Variants in TMED3 observed in about 807,000 individuals in gnomAD.
TMED3 encodes the protein transmembrane p24 trafficking protein 3.
TMED3 carries 9 observed loss-of-function variants against 15.0 expected under a neutral mutation model. The ratio of observed to expected loss-of-function variants is 0.60; its 90% CI spans 0.36 to 1.04. The LOEUF (loss-of-function observed/expected upper bound fraction) is 1.04. Among genes scored for constraint, TMED3 ranks in the 50% least tolerant of loss-of-function variants. TMED3 has a pLI of 0.01. For missense variants in TMED3, 267 were observed against 278.9 expected (o/e 0.96, Z 0.30); for synonymous variants, 117 against 121.4 (o/e 0.96, Z 0.24).
chr15:79,409,546 G>A (rs1893944026), intron 2 of TMED3, among the ~76,000 whole-genome samples: 1 of 152,186 alleles, frequency 6.6e-6, no homozygotes, highest in Admixed American at 6.5e-5. Flanking sequence ...GTTTCCCAGT[G>A]TGAGCCTTAA....
chr15:79,397,713 A>G (rs888494150), intron 2 of TMED3, among the ~76,000 whole-genome samples: 3 of 152,338 alleles, frequency 2.0e-5, no homozygotes, highest in African/African-American at 7.2e-5. Flanking sequence ...GTCAATATAC[A>G]TATGCATTTT....
chr15:79,330,660 T>G (rs2058804931), intron 2 of TMED3, among the ~76,000 whole-genome samples: 1 of 152,168 alleles, frequency 6.6e-6, no homozygotes. Context: ...CATTATATTT[T>G]TCTCAGAAAT....
At chr15:79,384,395 T>C (rs1025478025) in intron 2 of TMED3, 2 of 152,202 alleles carry the variant, frequency 1.3e-5, no homozygotes, top group Non-Finnish European at 2.9e-5. Flanking sequence ...ATTGTCGGAA[T>C]AGGAAAGAGT....
At chr15:79,345,664 C>T (rs1281887188) in intron 2 of TMED3, among the ~76,000 whole-genome samples, 1 of 152,118 alleles carries the variant, frequency 6.6e-6, no homozygotes, top group Non-Finnish European at 1.5e-5. Flanking sequence ...TGGGTATATG[C>T]CCAGTAGTGG....
At position 79,370,256 on chromosome 15, in the gene TMED3, ATTTTTTTTTT is replaced by A. The variant is rs398028085; in HGVS notation, c.418-41128_418-41119del. 3.0e-3 allele frequency among the ~76,000 whole-genome samples: 314 copies of A among 104,958 alleles called. 1 individual carries two copies. The highest frequency in any genetic ancestry group is 0.011 in the African/African-American group (288 of 26,984). 68.9% of individuals were successfully genotyped at this position (104,958 alleles called of 152,430 possible). ...AGGCATGGGCCACCATGCCCAGCTA[ATTTTTTTTTT>A]TTTTTTTTTTTTTTTGTATTTTTTT... is the stretch of plus-strand genomic sequence containing the variant. On this transcript the variant is annotated intron_variant, in intron 2 of 2. Coordinates refer to the TMED3 transcript ENST00000424155.
rs201992150 is a variant in TMED3 at position 79,356,835 on chromosome 15, T to A, written c.417+42830T>A. On this transcript the variant is annotated intron_variant, in intron 2 of 2. Coordinates refer to the TMED3 transcript ENST00000424155. ...AGCATTATTTATAACCTCCCCAAAC[T>A]GAAAACAATCCAAATATTCATCAGT... Among the ~76,000 whole-genome samples, 7 of 152,150 alleles carry A rather than the reference T, an allele frequency of 4.6e-5. No homozygotes were observed. In the East Asian group the frequency reaches 1.3e-3, roughly 29 times the overall value.
chr15:79,337,214 T>C (rs1417336653), intron 2 of TMED3, among the ~76,000 whole-genome samples: 1 of 152,338 alleles, frequency 6.6e-6, no homozygotes. Flanking sequence ...GGTTGGTTTC[T>C]CCTGAGACCT....
At chr15:79,339,775 ATGG>A (rs757882470) in intron 2 of TMED3, among the ~76,000 whole-genome samples, 9 of 149,970 alleles carry the variant, frequency 6.0e-5, no homozygotes, top group South Asian at 2.1e-4. Flanking sequence ...GGTGGTGTTG[ATGG>A]TGGTGATGGC....
Position 79,322,786 on chromosome 15 carries a change from T to C in TMED3, c.*572T>C. 2 of 985,278 alleles carry C rather than the reference T, an allele frequency of 2.0e-6. No individual in the cohort carries two copies. Among genetic ancestry groups the C allele is most frequent in the Non-Finnish European group, 1.2e-6 (1 of 829,904 alleles). 61.0% of individuals were successfully genotyped at this position (985,278 alleles called of 1,614,324 possible). ...TGCCCTTGGTGAGCTGTGTATTTCC[T>C]AGGAGGTAGAAAACTGTGGGAAACT... On this transcript the variant is annotated 3_prime_UTR_variant, in exon 3 of 3. Transcript: ENST00000299705.
intron 2 of TMED3, among the ~76,000 whole-genome samples, chr15:79,321,040 C>T (rs1047650802): frequency 6.6e-6 from 1 of 152,192 alleles, no homozygotes; most frequent in Non-Finnish European, 1.5e-5. Flanking sequence ...AAGTGGTCAC[C>T]TCCACCTTCA....
chr15:79,312,755 C>G (rs561101136), intron 1 of TMED3, among the ~76,000 whole-genome samples: 1 of 152,272 alleles, frequency 6.6e-6, no homozygotes, highest in South Asian at 2.1e-4. Context: ...TCCATGAATA[C>G]TTCGATCAAT....
chr15:79,317,784 A>T (rs545269457), intron 2 of TMED3, among the ~76,000 whole-genome samples: 7 of 152,188 alleles, frequency 4.6e-5, no homozygotes, highest in Admixed American at 4.6e-4. Context: ...CTCTTCCCTG[A>T]CATGGCGACC....
intron 2 of TMED3, among the ~76,000 whole-genome samples, chr15:79,395,343 C>T (rs1177777144): frequency 6.6e-6 from 1 of 152,150 alleles, no homozygotes. Context: ...CCACGCCTGG[C>T]TAATTTTTTG....
intron 2 of TMED3, among the ~76,000 whole-genome samples, chr15:79,347,966 A>G (rs2058877378): frequency 6.6e-6 from 1 of 152,204 alleles, no homozygotes; most frequent in Non-Finnish European, 1.5e-5. Flanking sequence ...TTTTACCCAG[A>G]TCAAAATGTT....
intron 2 of TMED3, among the ~76,000 whole-genome samples, chr15:79,408,808 A>G (rs1893935055): frequency 6.6e-6 from 1 of 152,214 alleles, no homozygotes; most frequent in Non-Finnish European, 1.5e-5. Context: ...GAGGAAGGGC[A>G]TAGAAGTACC....
At chr15:79,319,730 A>G (rs746997255) in intron 2 of TMED3, among the ~76,000 whole-genome samples, 2 of 152,134 alleles carry the variant, frequency 1.3e-5, no homozygotes, top group Non-Finnish European at 2.9e-5. Flanking sequence ...AGCCATCTCC[A>G]ATGATTGGTA....
intron 2 of TMED3, among the ~76,000 whole-genome samples, chr15:79,335,704 C>A (rs573851548): frequency 6.6e-6 from 1 of 152,146 alleles, no homozygotes; most frequent in South Asian, 2.1e-4. Flanking sequence ...AATCTAGGGA[C>A]TATAAATGTT....
At chr15:79,358,983 C>T (rs548776123) in intron 2 of TMED3, among the ~76,000 whole-genome samples, 15 of 152,290 alleles carry the variant, frequency 9.8e-5, no homozygotes, top group Middle Eastern at 3.4e-3. Flanking sequence ...GCCAAACCTG[C>T]ATCTACTGGG....
chr15:79,354,445 C>G (rs118070182), intron 2 of TMED3, among the ~76,000 whole-genome samples: 1 of 152,012 alleles, frequency 6.6e-6, no homozygotes, highest in Non-Finnish European at 1.5e-5. Flanking sequence ...AAGGCTTTGC[C>G]GCAGCCAGAA....
Sources: gnomAD v4.1 joint callset for allele counts (sites outside exome capture counted in the v4.1 genomes callset) on GRCh38, gnomAD v4.1.1 for gene constraint, MANE v1.5 for transcripts, NCBI Gene and HGNC (gene_info 2026-07-23, HGNC 2026-07-21) for gene names.